The following IRAG2 variants were observed in gnomAD, a reference collection of about 807,000 sequenced individuals.
IRAG2 encodes the protein inositol 1,4,5-triphosphate receptor associated 2.
A neutral mutation model predicts 69.9 loss-of-function variants in IRAG2; 45 were observed. That is an observed-to-expected ratio of 0.64 (90% confidence interval 0.51 to 0.83). IRAG2 has a LOEUF of 0.83. IRAG2 is among the 40% of genes least tolerant of loss of function. IRAG2 has a pLI of 0.00. For missense variants in IRAG2, 520 were observed against 587.0 expected (o/e 0.89, Z 1.18); for synonymous variants, 193 against 202.4 (o/e 0.95, Z 0.40).
chr12:25,089,316 A>G (rs11047822), intron 11 of IRAG2, among the ~76,000 whole-genome samples: 13,425 of 152,256 alleles, frequency 0.088, 1,951 homozygotes, highest in African/African-American at 0.3. Context: ...CCATGGGATC[A>G]AGTATAGCAA....
At chr12:25,045,439 AAGC>A (rs1213397689) in intron 16 of IRAG2, among the ~76,000 whole-genome samples, 1 of 152,060 alleles carries the variant, frequency 6.6e-6, no homozygotes. Flanking sequence ...AGCAATTAAA[AAGC>A]AGCAAAACTA....
chr12:25,044,739 T>A (rs547904622), intron 16 of IRAG2, among the ~76,000 whole-genome samples: 1 of 151,996 alleles, frequency 6.6e-6, no homozygotes, highest in Non-Finnish European at 1.5e-5. Flanking sequence ...CACCCAACAT[T>A]AGAGAACCTA....
At chr12:25,097,101 C>T (rs1436627005) in intron 15 of IRAG2, 57 bp downstream of exon 15, 1 of 1,517,886 alleles carries the variant, frequency 6.6e-7, no homozygotes, top group Non-Finnish European at 8.9e-7. Flanking sequence ...TTCACTTTTC[C>T]TGAGACTATG....
chr12:25,015,112 A>AAAAAAAAAAAAAAAAAAAAAAAG (rs1555125446), intron 3 of IRAG2: 2 of 360,094 alleles, frequency 5.6e-6, no homozygotes, highest in African/African-American at 2.7e-5. Context: ...AAAAAAAAAA[A>AAAAAAAAAAAAAAAAAAAAAAAG]GACAAAACTT....
Position 25,107,902 on chromosome 12 carries a change from A to T in IRAG2, c.1342A>T (p.Ile448Phe). ...GGCCCTCTGGCTCTCTATTGCATTC[A>T]TTGTACTGTTTGCAGCTTTGATGAG... ...NKALWLSIAF[I>F]VLFAALMSFL... Residue 448 changes from isoleucine (I) to phenylalanine (F), a missense_variant, in exon 22 of 22, where the codon ATT becomes TTT. By Grantham distance (21) the Ile-to-Phe change is conservative. Coordinates refer to ENST00000556887, the MANE Select transcript of IRAG2 (RefSeq NM_001366544.2). 1 of 1,614,234 alleles carries T rather than the reference A, an allele frequency of 6.2e-7. No individual in the cohort carries two copies. The highest frequency in any genetic ancestry group is 1.7e-5 in the Admixed American group (1 of 60,030).
upstream of IRAG2, among the ~76,000 whole-genome samples, chr12:25,002,092 G>A (rs183777595): frequency 1.1e-4 from 16 of 152,174 alleles, no homozygotes; most frequent in East Asian, 1.3e-3. Flanking sequence ...CTCTTTGCTC[G>A]ACATAGGGAA....
chr12:25,008,208 ACT>A (rs1476800261), intron 2 of IRAG2, among the ~76,000 whole-genome samples: 1 of 152,060 alleles, frequency 6.6e-6, no homozygotes, highest in Non-Finnish European at 1.5e-5. Context: ...ATAATGAGAA[ACT>A]CTATTCCGCG....
intron 1 of IRAG2, among the ~76,000 whole-genome samples, chr12:25,057,561 A>G (rs1945346260): frequency 6.6e-6 from 1 of 152,052 alleles, no homozygotes. Context: ...GCCCAGCTGC[A>G]TGTATTTTTT....
intron 3 of IRAG2, among the ~76,000 whole-genome samples, chr12:25,012,734 G>A (rs774101363): frequency 1.3e-5 from 2 of 152,050 alleles, no homozygotes; most frequent in African/African-American, 2.4e-5. Context: ...AAGCTGAGGC[G>A]GGAGAATTGC....
intron 5 of IRAG2, among the ~76,000 whole-genome samples, chr12:25,067,842 T>C (rs1468177072): frequency 3.3e-5 from 5 of 151,832 alleles, no homozygotes; most frequent in African/African-American, 1.2e-4. Context: ...TAATTTTTGT[T>C]TTTTTGTTTG....
chr12:25,015,523 T>A (rs1944520421), intron 5 of IRAG2: 1 of 801,208 alleles, frequency 1.2e-6, no homozygotes. Context: ...GAAGTCACTT[T>A]GCTCTTTTTT....
chr12:25,078,064 G>A (rs1272285239), intron 6 of IRAG2, among the ~76,000 whole-genome samples: 1 of 152,138 alleles, frequency 6.6e-6, no homozygotes, highest in Non-Finnish European at 1.5e-5. Flanking sequence ...TTCGATATGT[G>A]TTTGAAAGCT....
chr12:25,051,270 T>C (rs991562554), upstream of IRAG2, among the ~76,000 whole-genome samples: 1 of 152,224 alleles, frequency 6.6e-6, no homozygotes, highest in South Asian at 2.1e-4. Flanking sequence ...TTTACCAGTA[T>C]GGTAAGCATT....
At chr12:25,084,430 A>C (rs1444717629) in intron 10 of IRAG2, among the ~76,000 whole-genome samples, 1 of 152,066 alleles carries the variant, frequency 6.6e-6, no homozygotes, top group Non-Finnish European at 1.5e-5. Flanking sequence ...ACTCATTTCC[A>C]CTTCTATGAA....
intron 20 of IRAG2, among the ~76,000 whole-genome samples, chr12:25,104,873 ACATC>A (rs1439427485): frequency 6.9e-6 from 1 of 145,554 alleles, no homozygotes; most frequent in Admixed American, 6.9e-5. Flanking sequence ...ACATGTATGT[ACATC>A]TATCTATCTT....
chr12:25,038,390 C>G (rs531092021), intron 16 of IRAG2, among the ~76,000 whole-genome samples: 1 of 152,052 alleles, frequency 6.6e-6, no homozygotes, highest in African/African-American at 2.4e-5. Flanking sequence ...CGCCTGTAAT[C>G]CCAGCACTTT....
intron 6 of IRAG2, among the ~76,000 whole-genome samples, chr12:25,074,750 G>A (rs1946569074): frequency 6.6e-6 from 1 of 152,058 alleles, no homozygotes; most frequent in East Asian, 1.9e-4. Context: ...TTTTTCTTTT[G>A]GCTGTTAAAA....
intron 12 of IRAG2, chr12:25,032,489 C>G (rs1221263831): frequency 2.5e-6 from 1 of 397,402 alleles, no homozygotes; most frequent in Non-Finnish European, 4.4e-6. Context: ...GTGATATTTT[C>G]TCTATTTTTC....
intron 8 of IRAG2, among the ~76,000 whole-genome samples, chr12:25,024,119 A>G (rs1287086452): frequency 6.6e-6 from 1 of 152,216 alleles, no homozygotes; most frequent in Admixed American, 6.5e-5. Context: ...TTTTGCAATT[A>G]TCCTTGGAAG....
Sources: gnomAD v4.1 joint callset for allele counts (sites outside exome capture counted in the v4.1 genomes callset) on GRCh38, gnomAD v4.1.1 for gene constraint, MANE v1.5 for transcripts, NCBI Gene and HGNC (gene_info 2026-07-23, HGNC 2026-07-21) for gene names.